HRNR: variants seen among roughly 807,000 people sequenced by gnomAD.
HRNR encodes the protein hornerin, also known as filaggrin family member 3.
Under a neutral mutation model 4.8 loss-of-function variants are expected in HRNR, and 7 were observed. That is an observed-to-expected ratio of 1.47 (90% CI 0.83 to 2.75). HRNR has a LOEUF of 2.75. Among genes scored for constraint, HRNR ranks in the 30% most tolerant of loss-of-function variants. The pLI, the probability that HRNR is intolerant of heterozygous loss-of-function variation, is 0.00. For missense variants in HRNR, 2,879 were observed against 3,010.4 expected (o/e 0.96, Z 1.02); for synonymous variants, 1,023 against 1,242.7 (o/e 0.82, Z 3.72).
intron 2 of HRNR, among the ~76,000 whole-genome samples, chr1:152,222,693 A>G (rs1649038841): frequency 6.6e-6 from 1 of 152,210 alleles, no homozygotes; most frequent in Non-Finnish European, 1.5e-5. Context: ...AAATTTAAGG[A>G]ATTGAAACTC....
chr1:152,219,404 T>C lies in HRNR; in HGVS notation c.2225A>G (p.His742Arg), dbSNP rs1648847596. 1 of 1,613,822 alleles carries C rather than the reference T, an allele frequency of 6.2e-7. No individual in the cohort carries two copies. The highest frequency in any genetic ancestry group is 1.1e-5 in the South Asian group (1 of 91,072). The change falls in exon 3 of 3, where the codon CAC becomes CGC. Residue 742 changes from histidine (H) to arginine (R), a missense_variant. Physicochemically the swap from His to Arg is conservative, Grantham distance 29 (BLOSUM62 0). Transcript: ENST00000368801. ...RSGQSSRSEQ[H>R]GSSSGLSSSY... ...GGAAGACAAACCTGAGCTAGATCCG[T>C]GTTGTTCACTCCTAGATGACTGTCC...
At chr1:152,223,083 C>T (rs115007802) in intron 2 of HRNR, 33 bp downstream of exon 2, 41,686 of 1,605,660 alleles carry the variant, frequency 0.026, 676 homozygotes, top group Middle Eastern at 0.057. Context: ...AAGAAAATTC[C>T]TGCATAACTC....
rs1241855899 is a variant in HRNR, at chr1:152,219,178, A to C, written c.2451T>G (p.Phe817Leu). ...GTCCTGAGCCAGACTCGTGTTGCCC[A>C]AAACCAGAAGCCTGGCCTGAGCCAG... ...YESGSGQASGFGQHESGSGQG... is the reference protein window; with the variant it reads ...YESGSGQASGLGQHESGSGQG... Residue 817 changes from phenylalanine (F) to leucine (L), a missense_variant, in exon 3 of 3, where the codon TTT (phenylalanine) becomes TTG (leucine). By Grantham distance (22) the Phe-to-Leu change is conservative (BLOSUM62 0). Around this residue, in one of 8 missense-constraint regions of HRNR, gnomAD observed 2,646 missense variants for 1,377.7 expected, o/e 1.92. Coordinates refer to ENST00000368801, the MANE Select transcript of HRNR (RefSeq NM_001009931.3). 1 of 1,613,948 alleles carries C rather than the reference A, an allele frequency of 6.2e-7. No individual in the cohort carries two copies. Among genetic ancestry groups the C allele is most frequent in the Non-Finnish European group, 8.5e-7 (1 of 1,179,976 alleles).
In HRNR at chr1:152,218,439, C is replaced by A; in HGVS notation, c.3190G>T (p.Gly1064Cys). 2 of 1,613,090 alleles carry A rather than the reference C, an allele frequency of 1.2e-6. No individual in the cohort carries two copies. The highest frequency in any genetic ancestry group is 1.7e-6 in the Non-Finnish European group (2 of 1,179,950). The change falls in exon 3 of 3, where the codon GGT (glycine) becomes TGT (cysteine). Residue 1064 changes from glycine (G) to cysteine (C), a missense_variant. By Grantham distance (159) the Gly-to-Cys change is radical. Coordinates refer to ENST00000368801, the MANE Select transcript of HRNR (RefSeq NM_001009931.3). ...TGACCTGAGCTAGATCCATGTTGACCGTAGCCAGAGGACTGTCCTGAGCGA... is the reference window on the plus strand; with the variant it reads ...TGACCTGAGCTAGATCCATGTTGACAGTAGCCAGAGGACTGTCCTGAGCGA... The part of the protein sequence containing the change: ...ESRSGQSSGY[G>C]QHGSSSGHSS...
rs536691323 is a variant in HRNR at position 152,219,560 on chromosome 1, G to A, written c.2069C>T (p.Pro690Leu). The A allele has an allele frequency of 1.9e-6, 3 of 1,611,396 alleles. No individual in the cohort carries two copies. Among genetic ancestry groups the A allele is most frequent in the Middle Eastern group, 3.3e-4 (2 of 6,042 alleles). The change falls in exon 3 of 3, where the codon CCA (proline) becomes CTA (leucine). Residue 690 changes from proline (P) to leucine (L), a missense_variant. Physicochemically the swap from Pro to Leu is moderately conservative, Grantham distance 98. This residue lies in a region of HRNR where 2,646 missense variants were observed against 1,377.7 expected (regional missense o/e 1.92). Transcript: ENST00000368801. ...SGSGWSSSNG[P>L]HGSVSGQSSG... ...AGACTGGCCTGAGACAGACCCATGT[G>A]GGCCATTGCTTGAAGACCAACCGGA...
rs1648926390 is a variant in HRNR at position 152,220,395 on chromosome 1, C to A, written c.1234G>T (p.Gly412Cys). The change falls in exon 3 of 3, where the codon GGC (glycine) becomes TGC (cysteine). Residue 412 changes from glycine to cysteine, a missense_variant. By Grantham distance (159) the Gly-to-Cys change is radical (BLOSUM62 -3). Coordinates refer to ENST00000368801, the MANE Select transcript of HRNR (RefSeq NM_001009931.3). Reference sequence around the variant, plus strand: ...GATCCAGAGCTGTGTTGGCCGCGGCCTGAAGAGTGACGGGAGGCAGACTCA... The same window carrying A: ...GATCCAGAGCTGTGTTGGCCGCGGCATGAAGAGTGACGGGAGGCAGACTCA... ...QHESASRHSS[G>C]RGQHSSGSGQ... The A allele has an allele frequency of 1.2e-6, 2 of 1,613,752 alleles. No homozygotes were observed. Among genetic ancestry groups the A allele is most frequent in the Non-Finnish European group, 1.7e-6 (2 of 1,179,972 alleles).
chr1:152,220,216 G>A lies in HRNR; in HGVS notation c.1413C>T (p.Ser471=), dbSNP rs2101595598. ...GAGTGTAACCAGAGGAATGCTCTGAGCTAGACTCGTGGTGACCAAAGCCAG... is the reference window on the plus strand; with the variant it reads ...GAGTGTAACCAGAGGAATGCTCTGAACTAGACTCGTGGTGACCAAAGCCAG... ...YSSGFGHHES[S]SEHSSGYTQH... The change falls in exon 3 of 3, where the codon AGC becomes AGT. Residue 471 remains serine (S), a synonymous_variant. Coordinates refer to ENST00000368801, the MANE Select transcript of HRNR (RefSeq NM_001009931.3). 6.2e-7 allele frequency: 1 copy of A among 1,613,882 alleles called. No homozygotes were observed. Among genetic ancestry groups the A allele is most frequent in the African/African-American group, 1.3e-5 (1 of 74,996 alleles).
chr1:152,218,881 A>C lies in HRNR; in HGVS notation c.2748T>G (p.Ser916=). 2.5e-6 allele frequency: 4 copies of C among 1,613,892 alleles called. No homozygotes were observed. The highest frequency in any genetic ancestry group is 2.5e-6 in the Non-Finnish European group (3 of 1,179,954). The part of the protein sequence containing the change: ...YGRHGSGSGR[S]SSSGRHGSGS... The stretch of plus-strand genomic sequence containing the variant: ...CAGACCCATGTCGGCCACTGCTGGA[A>C]GACCGACCGGAGCCAGACCCATGTC... Residue 916 remains serine, a synonymous_variant, in exon 3 of 3, where the codon TCT becomes TCG. Coordinates refer to ENST00000368801, the MANE Select transcript of HRNR (RefSeq NM_001009931.3).
Position 152,218,833 on chromosome 1 carries a change from A to G in HRNR, c.2796T>C (p.Phe932=). The change falls in exon 3 of 3, where the codon TTT becomes TTC. Residue 932 remains phenylalanine, a synonymous_variant. Transcript: ENST00000368801. ...ACTGCCCTGAGCTAGACTTGTGACC[A>G]AAGCCAGAAGACTGGCCTGAGCCAG... ...HGSGSGQSSG[F]GHKSSSGQSS... 1 of 1,613,612 alleles carries G rather than the reference A, an allele frequency of 6.2e-7. No homozygotes were observed. Among genetic ancestry groups the G allele is most frequent in the South Asian group, 1.1e-5 (1 of 91,032 alleles).
chr1:152,219,016 C>A lies in HRNR; in HGVS notation c.2613G>T (p.Glu871Asp), dbSNP rs866858982. 5.6e-6 allele frequency: 9 copies of A among 1,613,906 alleles called. No homozygotes were observed. Among genetic ancestry groups the A allele is most frequent in the Non-Finnish European group, 5.1e-6 (6 of 1,179,982 alleles). Residue 871 changes from glutamate (E) to aspartate (D), a missense_variant, in exon 3 of 3, where the codon GAG becomes GAT. Coordinates refer to ENST00000368801, the MANE Select transcript of HRNR (RefSeq NM_001009931.3). ...SGQSSSYGQH[E>D]SASHHASGRG... ...GGCCCGAAGCGTGATGGGAGGCAGA[C>A]TCATGCTGACCATAGCTGGAAGATT...
rs1267008841 is a variant in HRNR, at chr1:152,220,448, G to A, written c.1181C>T (p.Ser394Leu). The change falls in exon 3 of 3, where the codon TCA becomes TTA. Residue 394 changes from serine to leucine, a missense_variant. Ser to Leu is a moderately radical substitution (Grantham distance 145). This residue lies in a region of HRNR where 2,646 missense variants were observed against 1,377.7 expected (regional missense o/e 1.92). Transcript: ENST00000368801. ...ASSSGQHGSS[S>L]RQSSSYGQHE... Reference sequence around the variant, plus strand: ...CTGACCATAGCTGGAAGACTGACGTGAGCTGGAGCCATGTTGGCCAGAGCT... The same window carrying A: ...CTGACCATAGCTGGAAGACTGACGTAAGCTGGAGCCATGTTGGCCAGAGCT... 3.1e-6 allele frequency: 5 copies of A among 1,613,922 alleles called. No homozygotes were observed. In the South Asian group the frequency reaches 4.4e-5, roughly 14 times the overall value.
chr1:152,219,212 T>A lies in HRNR; in HGVS notation c.2417A>T (p.His806Leu), dbSNP rs998896542. The change falls in exon 3 of 3, where the codon CAT (histidine) becomes CTT (leucine). Residue 806 changes from histidine to leucine, a missense_variant. His to Leu is a moderately conservative substitution (Grantham distance 99). Transcript: ENST00000368801. ...AGCCTGGCCTGAGCCAGACTCATAA[T>A]GGCCACAGCTGGAAGAACAACTTGT... ...SGTSCSSSCGHYESGSGQASG... is the reference protein window; with the variant it reads ...SGTSCSSSCGLYESGSGQASG... 1.9e-6 allele frequency: 3 copies of A among 1,613,638 alleles called. No homozygotes were observed. The highest frequency in any genetic ancestry group is 2.5e-6 in the Non-Finnish European group (3 of 1,179,866).
rs566122590 is a variant in HRNR, at chr1:152,220,490, G to A, written c.1139C>T (p.Thr380Met). 3.6e-5 allele frequency: 58 copies of A among 1,610,836 alleles called. No individual in the cohort carries two copies. The highest frequency in any genetic ancestry group is 4.5e-5 in the Non-Finnish European group (53 of 1,178,556). ...HSSSQGQHGSTSGQASSSGQH... is the reference protein window; with the variant it reads ...HSSSQGQHGSMSGQASSSGQH... ...GCCAGAGCTTGATGCCTGCCCTGACGTAGATCCATGTTGTCCCTGGCTAGA... is the reference window on the plus strand; with the variant it reads ...GCCAGAGCTTGATGCCTGCCCTGACATAGATCCATGTTGTCCCTGGCTAGA... Residue 380 changes from threonine (T) to methionine (M), a missense_variant, in exon 3 of 3, where the codon ACG (threonine) becomes ATG (methionine). Physicochemically the swap from Thr to Met is moderately conservative, Grantham distance 81. Around this residue, in one of 8 missense-constraint regions of HRNR, gnomAD observed 2,646 missense variants for 1,377.7 expected, o/e 1.92. Transcript: ENST00000368801.
rs757470422 is a variant in HRNR, at chr1:152,219,875, C to A, written c.1754G>T (p.Gly585Val). 4.3e-6 allele frequency: 7 copies of A among 1,613,860 alleles called. No individual in the cohort carries two copies. The highest frequency in any genetic ancestry group is 5.9e-6 in the Non-Finnish European group (7 of 1,180,012). Residue 585 changes from glycine to valine, a missense_variant, in exon 3 of 3, where the codon GGT (glycine) becomes GTT (valine). Transcript: ENST00000368801. ...CTGTCCTGAGCGAGACTCTTGGTGA[C>A]CTAAGCCAGAAGAGTGACCGGAGCC... ...ESGSGHSSGL[G>V]HQESRSGQSS...
rs146581615 is a variant in HRNR at position 152,220,085 on chromosome 1, G to A, written c.1544C>T (p.Ser515Phe). 95 of 1,613,632 alleles carry A rather than the reference G, an allele frequency of 5.9e-5. No homozygotes were observed. The African/African-American group carries it at 1.1e-3, about 20-fold the overall frequency. Residue 515 changes from serine (S) to phenylalanine (F), a missense_variant, in exon 3 of 3, where the codon TCC becomes TTC. This residue lies in a region of HRNR where 2,646 missense variants were observed against 1,377.7 expected (regional missense o/e 1.92). Coordinates refer to ENST00000368801, the MANE Select transcript of HRNR (RefSeq NM_001009931.3). Reference sequence around the variant, plus strand: ...GCCAGACCCATGCTGACCATAGCTGGAAGATGAACCTGCACTAGATCCTTG... The same window carrying A: ...GCCAGACCCATGCTGACCATAGCTGAAAGATGAACCTGCACTAGATCCTTG... ...ERQGSSAGSS[S>F]SYGQHGSGSR...
In HRNR at chr1:152,220,573, C is replaced by A; in HGVS notation, c.1056G>T (p.Glu352Asp). The change falls in exon 3 of 3, where the codon GAG becomes GAT. Residue 352 changes from glutamate to aspartate, a missense_variant. Around this residue, in one of 8 missense-constraint regions of HRNR, gnomAD observed 2,646 missense variants for 1,377.7 expected, o/e 1.92. Transcript: ENST00000368801. ...AGCCAGAGGACTGTCCTGAGCCAGA[C>A]TCATGTTGCCCAAAGCCAGAAGTCT... is the stretch of plus-strand genomic sequence containing the variant. ...SGQTSGFGQH[E>D]SGSGQSSGYS... The A allele has an allele frequency of 6.2e-7, 1 of 1,608,206 alleles. No homozygotes were observed. Among genetic ancestry groups the A allele is most frequent in the Non-Finnish European group, 8.5e-7 (1 of 1,175,780 alleles).
chr1:152,223,053 G>C lies in HRNR; in HGVS notation c.138+63C>G, dbSNP rs111964188. On this transcript the variant is annotated intron_variant, in intron 2 of 2. Coordinates refer to ENST00000368801, the MANE Select transcript of HRNR (RefSeq NM_001009931.3). ...CTAGGATGTTTGACATATGTGACAAGAAGGTGGAAAGGGATAAAGAAGAAA... is the reference window on the plus strand; with the variant it reads ...CTAGGATGTTTGACATATGTGACAACAAGGTGGAAAGGGATAAAGAAGAAA... 534 of 1,505,782 alleles carry C rather than the reference G, an allele frequency of 3.5e-4. 2 individuals are homozygous for C. Among genetic ancestry groups the C allele is most frequent in the African/African-American group, 3.4e-3 (249 of 72,680 alleles). The allele number at this position is 1,505,782 out of a possible 1,614,324, so 93.3% of individuals were successfully genotyped here. A position where few individuals can be genotyped will look rare whatever the true frequency, so the allele number is the denominator to read the frequency against.
intron 2 of HRNR, 151 bp downstream of exon 2, chr1:152,222,965 C>T: frequency 1.3e-6 from 1 of 741,790 alleles, no homozygotes; most frequent in Non-Finnish European, 2.2e-6. Context: ...CACGGATCTG[C>T]TTTTGACCTT....
In HRNR at chr1:152,219,526, A is replaced by G. The variant is rs766606439; in HGVS notation, c.2103T>C (p.Phe701=). ...ACTGCCCTGAGCCAGACTTGTGACC[A>G]AAGCCGGAAGACTGGCCTGAGACAG... ...HGSVSGQSSG[F]GHKSGSGQSS... is the part of the protein sequence containing the mutation. The change falls in exon 3 of 3, where the codon TTT becomes TTC. Residue 701 remains phenylalanine, a synonymous_variant. Transcript: ENST00000368801. The G allele has an allele frequency of 1.2e-6, 2 of 1,613,872 alleles. No individual in the cohort carries two copies. Among genetic ancestry groups the G allele is most frequent in the Non-Finnish European group, 8.5e-7 (1 of 1,179,986 alleles).
Sources: allele counts gnomAD v4.1 joint callset (sites outside exome capture counted in the v4.1 genomes callset), GRCh38; gene constraint gnomAD v4.1.1; regional missense constraint gnomAD v4.1.1; transcripts MANE v1.5; gene names NCBI Gene and HGNC (gene_info 2026-07-23, HGNC 2026-07-21).